CSMD1: variants seen among roughly 807,000 people sequenced by gnomAD.
CSMD1 encodes CUB and Sushi multiple domains 1.
A neutral mutation model predicts 417.5 loss-of-function variants in CSMD1; 213 were observed. That is an observed-to-expected ratio of 0.51 (90% CI 0.46 to 0.57). CSMD1 has a LOEUF of 0.57. CSMD1 is among the 20% of genes least tolerant of loss of function. CSMD1 has a pLI of 0.00. For synonymous variants in CSMD1, 2,862 were observed against 1,736.8 expected (o/e 1.65, Z -16.11); for missense variants, 6,923 against 4,529.7 (o/e 1.53, Z -15.17).
In CSMD1 at chr8:3,997,279, C is replaced by T. The variant is rs192344636; in HGVS notation, c.818+624G>A. On this transcript the variant is annotated intron_variant, in intron 5 of 69. Coordinates refer to ENST00000635120, the MANE Select transcript of CSMD1 (RefSeq NM_033225.6). Reference sequence around the variant, plus strand: ...ACAAACGATACTATTCTTGCAATCACGACCATCACTCCTAAATAGGCGGTA... The same window carrying T: ...ACAAACGATACTATTCTTGCAATCATGACCATCACTCCTAAATAGGCGGTA... 1.7e-3 allele frequency among the ~76,000 whole-genome samples: 254 copies of T among 152,310 alleles called. 2 individuals are homozygous for T. The highest frequency in any genetic ancestry group is 0.015 in the Admixed American group (233 of 15,298).
chr8:3,028,993 C>T (rs555663621), intron 51 of CSMD1, among the ~76,000 whole-genome samples: 14 of 152,260 alleles, frequency 9.2e-5, no homozygotes, highest in Admixed American at 8.5e-4. Context: ...AATTAGAACT[C>T]TTGAATAGTC....
At chr8:4,938,618 G>C (rs1008131365) in intron 1 of CSMD1, among the ~76,000 whole-genome samples, 2 of 152,102 alleles carry the variant, frequency 1.3e-5, no homozygotes, top group Admixed American at 6.6e-5. Flanking sequence ...ATTTATACAA[G>C]CACATTTACA....
chr8:3,992,382 A>G (rs1814822052), intron 5 of CSMD1, among the ~76,000 whole-genome samples: 1 of 152,222 alleles, frequency 6.6e-6, no homozygotes. Flanking sequence ...CAAGTTTACT[A>G]TTAAATCAAT....
At chr8:4,057,771 C>A (rs1289923948) in intron 3 of CSMD1, among the ~76,000 whole-genome samples, 3 of 152,200 alleles carry the variant, frequency 2.0e-5, no homozygotes, top group East Asian at 3.9e-4. Flanking sequence ...GTTTTCCCAG[C>A]ACCATTTAAT....
intron 3 of CSMD1, among the ~76,000 whole-genome samples, chr8:4,249,271 T>C (rs1017916137): frequency 1.3e-5 from 2 of 152,218 alleles, no homozygotes; most frequent in Non-Finnish European, 2.9e-5. Context: ...ATCTTGTCTT[T>C]TACTTCTAAA....
intron 3 of CSMD1, among the ~76,000 whole-genome samples, chr8:4,172,885 C>T (rs1797845134): frequency 6.6e-6 from 1 of 152,104 alleles, no homozygotes; most frequent in South Asian, 2.1e-4. Context: ...GGAGCCCAGC[C>T]CATTCCAGGA....
At chr8:4,336,584 A>C (rs747212885) in intron 3 of CSMD1, among the ~76,000 whole-genome samples, 2 of 152,146 alleles carry the variant, frequency 1.3e-5, no homozygotes, top group Non-Finnish European at 2.9e-5. Flanking sequence ...GTGAAGCATG[A>C]ATTTATTTTA....
Position 3,257,388 on chromosome 8 carries a change from A to T in CSMD1, c.4153+26756T>A, listed in dbSNP as rs1375088110. Among the ~76,000 whole-genome samples, 5 of 152,236 alleles carry T rather than the reference A, an allele frequency of 3.3e-5. No individual in the cohort carries two copies. The East Asian group carries it at 9.6e-4, about 29-fold the overall frequency. On this transcript the variant is annotated intron_variant, in intron 26 of 69. Transcript: ENST00000635120. ...AGTTCTACTCACTTGGGACACATCA[A>T]TCAACAAATTAGGATCTCTTTCCTT...
rs1161117794 is a variant in CSMD1, at chr8:4,008,600, C to CTTTTTTTTTTTTTT, written c.611-10504_611-10491dup. The stretch of plus-strand genomic sequence containing the variant: ...GATTCAGTATTTTCTTTCTTTTTTT[C>CTTTTTTTTTTTTTT]TTTTTTTTTTTTTTTTTTTTTTTTT... On this transcript the variant is annotated intron_variant, in intron 4 of 69. Coordinates refer to ENST00000635120, the MANE Select transcript of CSMD1 (RefSeq NM_033225.6). Among the ~76,000 whole-genome samples, 40 of 80,456 alleles carry CTTTTTTTTTTTTTT rather than the reference C, an allele frequency of 5.0e-4. 1 individual carries two copies. Among genetic ancestry groups the CTTTTTTTTTTTTTT allele is most frequent in the African/African-American group, 1.4e-3 (27 of 18,940 alleles). 52.8% of individuals were successfully genotyped at this position (80,456 alleles called of 152,430 possible). A position where few individuals can be genotyped will look rare whatever the true frequency, so the allele number is the denominator to read the frequency against.
At chr8:4,018,386 T>G (rs1017077290) in intron 4 of CSMD1, among the ~76,000 whole-genome samples, 1 of 152,210 alleles carries the variant, frequency 6.6e-6, no homozygotes, top group African/African-American at 2.4e-5. Context: ...CTTTCTCTCT[T>G]GGCAACTTCC....
chr8:3,812,783 G>C (rs192780777), intron 5 of CSMD1, among the ~76,000 whole-genome samples: 1 of 152,298 alleles, frequency 6.6e-6, no homozygotes, highest in African/African-American at 2.4e-5. Flanking sequence ...TCAATGTATA[G>C]TAGCTATTGA....
intron 3 of CSMD1, among the ~76,000 whole-genome samples, chr8:4,354,373 G>T (rs956127670): frequency 1.3e-5 from 2 of 152,222 alleles, no homozygotes; most frequent in African/African-American, 2.4e-5. Flanking sequence ...CACAAACCTG[G>T]TCATTTCGTA....
intron 1 of CSMD1, among the ~76,000 whole-genome samples, chr8:4,929,878 C>A (rs182714256): frequency 6.6e-6 from 1 of 152,124 alleles, no homozygotes; most frequent in Admixed American, 6.5e-5. Flanking sequence ...CACTTGGCAC[C>A]ACAGAATCAG....
intron 29 of CSMD1, among the ~76,000 whole-genome samples, chr8:3,218,560 C>CAAAAAAAAAA (rs375544620): frequency 1.6e-5 from 2 of 128,654 alleles, no homozygotes; most frequent in African/African-American, 3.0e-5. Context: ...GACTCCATCT[C>CAAAAAAAAAA]AAAAATAAAA....
chr8:3,317,802 A>C (rs1423637155), intron 23 of CSMD1, among the ~76,000 whole-genome samples: 2 of 152,218 alleles, frequency 1.3e-5, no homozygotes, highest in East Asian at 3.8e-4. Flanking sequence ...TTGCTACTGT[A>C]TAAGTGAACT....
At chr8:4,460,775 A>G (rs1000687340) in intron 2 of CSMD1, among the ~76,000 whole-genome samples, 1 of 152,228 alleles carries the variant, frequency 6.6e-6, no homozygotes, top group Non-Finnish European at 1.5e-5. Context: ...AAGTAAAGGT[A>G]GTAATTTTAA....
chr8:4,870,057 G>C (rs1028324823), intron 1 of CSMD1, among the ~76,000 whole-genome samples: 9 of 151,986 alleles, frequency 5.9e-5, no homozygotes, highest in Admixed American at 1.3e-4. Flanking sequence ...CAGAACCGCA[G>C]ACTTCAAGAC....
intron 3 of CSMD1, among the ~76,000 whole-genome samples, chr8:4,186,913 C>A (rs1340001084): frequency 1.3e-5 from 2 of 151,850 alleles, no homozygotes; most frequent in Non-Finnish European, 2.9e-5. Flanking sequence ...GGAGAATCAC[C>A]TGAACCCACG....
chr8:4,080,933 G>T (rs144217298), intron 3 of CSMD1, among the ~76,000 whole-genome samples: 1,609 of 152,212 alleles, frequency 0.011, 102 homozygotes, highest in Admixed American at 0.095. Flanking sequence ...GAGGTGATTA[G>T]GCTCTGGGGA....
Sources: allele counts gnomAD v4.1 joint callset (sites outside exome capture counted in the v4.1 genomes callset), GRCh38; gene constraint gnomAD v4.1.1; transcripts MANE v1.5; gene names NCBI Gene and HGNC (gene_info 2026-07-23, HGNC 2026-07-21).